Variants in SLC4A4 observed in about 807,000 individuals in gnomAD.
SLC4A4 encodes solute carrier family 4 member 4.
Under a neutral mutation model 111.5 loss-of-function variants are expected in SLC4A4, and 27 were observed. That is an observed-to-expected ratio of 0.24 (90% CI 0.18 to 0.33). The LOEUF (loss-of-function observed/expected upper bound fraction) is 0.33, where lower values mean the gene tolerates loss of function less well. Among genes scored for constraint, SLC4A4 ranks in the 10% least tolerant of loss-of-function variants. The probability of loss-of-function intolerance (pLI) is 1.00; values close to 1 mark genes in which losing one functional copy is unlikely to be tolerated. For missense variants in SLC4A4, 909 were observed against 1,315.5 expected (o/e 0.69, Z 4.78); for synonymous variants, 443 against 463.4 (o/e 0.96, Z 0.57).
chr4:71,368,908 A>G (rs997950746), intron 6 of SLC4A4, among the ~76,000 whole-genome samples: 6 of 152,000 alleles, frequency 3.9e-5, no homozygotes, highest in Non-Finnish European at 8.8e-5. Flanking sequence ...GTAATGTGTC[A>G]TTGTTCTCCT....
intron 2 of SLC4A4, among the ~76,000 whole-genome samples, chr4:71,103,277 C>T (rs1437847384): frequency 6.6e-6 from 1 of 151,802 alleles, no homozygotes. Context: ...AAAGCAAGTC[C>T]TGAGTGACCT....
chr4:71,122,396 G>A (rs905811558), intron 2 of SLC4A4, among the ~76,000 whole-genome samples: 2 of 151,748 alleles, frequency 1.3e-5, no homozygotes, highest in Non-Finnish European at 1.5e-5. Context: ...CTTTTTAGCT[G>A]TTGTTGGCTG....
chr4:71,513,135 T>C (rs1230128375), intron 16 of SLC4A4, among the ~76,000 whole-genome samples: 1 of 152,170 alleles, frequency 6.6e-6, no homozygotes, highest in East Asian at 1.9e-4. Context: ...TGGTTCTATA[T>C]GAGTTTTATT....
intron 2 of SLC4A4, among the ~76,000 whole-genome samples, chr4:71,128,404 T>C (rs1743615722): frequency 6.6e-6 from 1 of 152,082 alleles, no homozygotes; most frequent in Non-Finnish European, 1.5e-5. Context: ...TTATGGGAGC[T>C]ACAAGATGAG....
chr4:71,410,938 G>A (rs377597168), intron 7 of SLC4A4, among the ~76,000 whole-genome samples: 1 of 152,228 alleles, frequency 6.6e-6, no homozygotes, highest in African/African-American at 2.4e-5. Context: ...ACAAACTATT[G>A]TGATTTTTTA....
At chr4:71,512,636 G>C (rs1312406736) in intron 16 of SLC4A4, among the ~76,000 whole-genome samples, 1 of 151,816 alleles carries the variant, frequency 6.6e-6, no homozygotes, top group African/African-American at 2.4e-5. Context: ...GAAGCTTTTT[G>C]GTTTAAATCC....
chr4:71,483,795 G>A (rs1729114250), intron 14 of SLC4A4, among the ~76,000 whole-genome samples: 1 of 151,954 alleles, frequency 6.6e-6, no homozygotes, highest in Non-Finnish European at 1.5e-5. Context: ...CACCAACAGT[G>A]TATAAGTGTT....
chr4:71,501,917 C>T (rs990165182), intron 16 of SLC4A4, among the ~76,000 whole-genome samples: 1 of 151,976 alleles, frequency 6.6e-6, no homozygotes, highest in African/African-American at 2.4e-5. Context: ...CCTGCCTAGG[C>T]CTCTCAAAGT....
At chr4:71,217,917 C>T (rs1310977877) in intron 1 of SLC4A4, among the ~76,000 whole-genome samples, 1 of 152,176 alleles carries the variant, frequency 6.6e-6, no homozygotes, top group Non-Finnish European at 1.5e-5. Context: ...TCCTTTTTGG[C>T]TTTGGCTGAA....
intron 16 of SLC4A4, among the ~76,000 whole-genome samples, chr4:71,523,656 A>G (rs1323162126): frequency 6.6e-6 from 1 of 152,006 alleles, no homozygotes; most frequent in Non-Finnish European, 1.5e-5. Flanking sequence ...AAAAGTCAAC[A>G]ACATTGAAAT....
At chr4:71,320,166 CTTT>C (rs2148865918) in intron 3 of SLC4A4, among the ~76,000 whole-genome samples, 1 of 152,146 alleles carries the variant, frequency 6.6e-6, no homozygotes, top group Admixed American at 6.6e-5. Context: ...AACAGCACTT[CTTT>C]AATTCATTTT....
chr4:71,525,801 C>G (rs1020770378), intron 16 of SLC4A4, among the ~76,000 whole-genome samples: 2 of 152,108 alleles, frequency 1.3e-5, no homozygotes, highest in South Asian at 4.1e-4. Context: ...AATTTGATAT[C>G]TTTATTGATA....
intron 2 of SLC4A4, among the ~76,000 whole-genome samples, chr4:71,167,213 CT>C (rs1363696213): frequency 6.6e-6 from 1 of 152,170 alleles, no homozygotes; most frequent in African/African-American, 2.4e-5. Context: ...GCTAACCAGA[CT>C]ACCTACAGAG....
chr4:71,236,252 C>CT, intron 1 of SLC4A4: 1 of 388,478 alleles, frequency 2.6e-6, no homozygotes, highest in Non-Finnish European at 3.4e-6. Flanking sequence ...TTTTTTTTTG[C>CT]TTTCATCCTT....
At chr4:71,183,305 A>G (rs1360229437), upstream of SLC4A4, among the ~76,000 whole-genome samples, 1 of 152,218 alleles carries the variant, frequency 6.6e-6, no homozygotes, top group Non-Finnish European at 1.5e-5. Context: ...CTCAGTTGCT[A>G]AAGCTGTGAA....
intron 3 of SLC4A4, among the ~76,000 whole-genome samples, chr4:71,272,394 G>A (rs998072345): frequency 2.6e-5 from 4 of 152,152 alleles, no homozygotes; most frequent in Non-Finnish European, 5.9e-5. Context: ...GGAAAGTGAG[G>A]CTCATGGAGG....
intron 3 of SLC4A4, among the ~76,000 whole-genome samples, chr4:71,265,622 C>A (rs527622300): frequency 6.3e-4 from 96 of 152,274 alleles, no homozygotes; most frequent in African/African-American, 2.1e-3. Flanking sequence ...CTTAATAGGA[C>A]CAGCTCTCTA....
intron 11 of SLC4A4, among the ~76,000 whole-genome samples, chr4:71,453,185 C>T (rs1297285544): frequency 1.3e-5 from 2 of 152,114 alleles, no homozygotes; most frequent in African/African-American, 4.8e-5. Context: ...ATATGATCTG[C>T]TTGCATATTA....
At chr4:71,096,051 G>T (rs1462581417) in intron 2 of SLC4A4, among the ~76,000 whole-genome samples, 1 of 152,090 alleles carries the variant, frequency 6.6e-6, no homozygotes, top group Non-Finnish European at 1.5e-5. Context: ...CTCCCTTCCT[G>T]CACTCTAGGA....
Sources: allele counts gnomAD v4.1 joint callset (sites outside exome capture counted in the v4.1 genomes callset), GRCh38; gene constraint gnomAD v4.1.1; transcripts MANE v1.5; gene names NCBI Gene and HGNC (gene_info 2026-07-23, HGNC 2026-07-21).